The following CD2AP variants were observed in gnomAD, a reference collection of about 807,000 sequenced individuals.
CD2AP encodes CD2 associated protein.
CD2AP carries 46 observed loss-of-function variants against 85.1 expected under a neutral mutation model. The observed-to-expected ratio is 0.54, with a 90% CI of 0.43 to 0.69. The LOEUF (loss-of-function observed/expected upper bound fraction) is 0.69. Ranked by LOEUF, CD2AP falls within the 30% of genes least tolerant of loss-of-function variation. The pLI, the probability that CD2AP is intolerant of heterozygous loss-of-function variation, is 0.00. For missense variants in CD2AP, 769 were observed against 729.5 expected (o/e 1.05, Z -0.62); for synonymous variants, 255 against 252.9 (o/e 1.01, Z -0.08).
At chr6:47,542,388 G>A (rs1767238539) in intron 3 of CD2AP, among the ~76,000 whole-genome samples, 1 of 152,188 alleles carries the variant, frequency 6.6e-6, no homozygotes, top group Admixed American at 6.5e-5. Context: ...TCAAAAATAT[G>A]TAGCAGATAC....
intron 17 of CD2AP, among the ~76,000 whole-genome samples, chr6:47,615,727 TA>T (rs1769559943): frequency 6.6e-6 from 1 of 152,108 alleles, no homozygotes; most frequent in African/African-American, 2.4e-5. Context: ...ATGCAAATCG[TA>T]TCAATGATTA....
In CD2AP at chr6:47,566,620, T is replaced by G. The variant is rs149184452; in HGVS notation, c.542-7444T>G. Reference sequence around the variant, plus strand: ...TCCTCTCAATTCTCCCTTCCCCCGCTCCTCACCCCTCAACAGGTCCTGGTG... The same window carrying G: ...TCCTCTCAATTCTCCCTTCCCCCGCGCCTCACCCCTCAACAGGTCCTGGTG... On this transcript the variant is annotated intron_variant, in intron 5 of 17. Coordinates refer to ENST00000359314, the MANE Select transcript of CD2AP (RefSeq NM_012120.3). Among the ~76,000 whole-genome samples the G allele has an allele frequency of 1.9e-3, 292 of 152,114 alleles. 1 individual carries two copies. Among genetic ancestry groups the G allele is most frequent in the African/African-American group, 6.7e-3 (280 of 41,488 alleles).
chr6:47,566,323 T>TATATATACACAC, intron 5 of CD2AP, among the ~76,000 whole-genome samples: 19 of 108,414 alleles, frequency 1.8e-4, no homozygotes, highest in South Asian at 7.0e-4. Flanking sequence ...TATATATATA[T>TATATATACACAC]ACACATACAC....
chr6:47,512,683 T>C (rs1195447916), intron 2 of CD2AP, among the ~76,000 whole-genome samples: 2 of 152,242 alleles, frequency 1.3e-5, no homozygotes, highest in African/African-American at 2.4e-5. Context: ...CAGAATATTA[T>C]CATTTTGCCA....
chr6:47,499,822 G>A (rs1021854631), intron 1 of CD2AP, among the ~76,000 whole-genome samples: 2 of 152,046 alleles, frequency 1.3e-5, no homozygotes, highest in Admixed American at 6.5e-5. Context: ...TTCGCCTCCC[G>A]GGTTCAAGCC....
chr6:47,567,891 G>A (rs1562035825), intron 5 of CD2AP, among the ~76,000 whole-genome samples: 1 of 152,180 alleles, frequency 6.6e-6, no homozygotes, highest in Non-Finnish European at 1.5e-5. Flanking sequence ...ATAAATTGGT[G>A]GCAGTATGGA....
chr6:47,626,154 T>G lies in CD2AP; in HGVS notation c.*1927T>G, dbSNP rs886061543. 1 of 151,960 alleles carries G rather than the reference T, an allele frequency of 6.6e-6. No individual in the cohort carries two copies. Among genetic ancestry groups the G allele is most frequent in the Non-Finnish European group, 1.5e-5 (1 of 67,832 alleles). 9.4% of individuals were successfully genotyped at this position (151,960 alleles called of 1,614,324 possible). ...TTTCAGGCTGTTCTTAAAGTTTTTG[T>G]TGGTCATTTTCTCAATAGTACATGA... On this transcript the variant is annotated 3_prime_UTR_variant, in exon 18 of 18. Coordinates refer to ENST00000359314, the MANE Select transcript of CD2AP (RefSeq NM_012120.3).
Position 47,626,135 on chromosome 6 carries a change from G to T in CD2AP, c.*1908G>T, listed in dbSNP as rs905105823. On this transcript the variant is annotated 3_prime_UTR_variant, in exon 18 of 18. Transcript: ENST00000359314. ...GAGGGAAGTTTCCAGCAGATTTCAG[G>T]CTGTTCTTAAAGTTTTTGTTGGTCA... The T allele has an allele frequency of 1.3e-5, 2 of 151,826 alleles. No individual in the cohort carries two copies. Among genetic ancestry groups the T allele is most frequent in the Non-Finnish European group, 2.9e-5 (2 of 67,802 alleles). The allele number at this position is 151,826 out of a possible 1,614,324, so 9.4% of individuals were successfully genotyped here.
intron 2 of CD2AP, among the ~76,000 whole-genome samples, chr6:47,509,133 G>A (rs1582493754): frequency 1.3e-5 from 2 of 152,142 alleles, no homozygotes; most frequent in East Asian, 3.9e-4. Context: ...GTGTCTCAGG[G>A]AATAGGGAGC....
At chr6:47,576,161 G>C (rs9357545) in intron 6 of CD2AP, among the ~76,000 whole-genome samples, 48,274 of 152,006 alleles carry the variant, frequency 0.32, 8,714 homozygotes, top group Middle Eastern at 0.52. Flanking sequence ...TTATAACCTT[G>C]AACTCCTGGT....
intron 5 of CD2AP, 99 bp from the exon 6 acceptor site, chr6:47,573,965 T>C: frequency 1.9e-6 from 2 of 1,041,318 alleles, no homozygotes; most frequent in Non-Finnish European, 1.5e-6. Flanking sequence ...TTTTCTACTG[T>C]GTTTTATTAG....
intron 1 of CD2AP, among the ~76,000 whole-genome samples, chr6:47,487,705 A>T (rs927561211): frequency 6.6e-6 from 1 of 152,072 alleles, no homozygotes; most frequent in African/African-American, 2.4e-5. Context: ...AAACAAACAA[A>T]CAAACAAACA....
intron 1 of CD2AP, among the ~76,000 whole-genome samples, chr6:47,482,625 C>T (rs143392059): frequency 1.5e-3 from 224 of 152,154 alleles, no homozygotes; most frequent in Non-Finnish European, 2.4e-3. Flanking sequence ...TAATCTGCCC[C>T]CCTCAGCCTT....
At chr6:47,605,459 G>C (rs1769244723) in intron 13 of CD2AP, among the ~76,000 whole-genome samples, 1 of 151,820 alleles carries the variant, frequency 6.6e-6, no homozygotes. Flanking sequence ...GCCAGCCTTT[G>C]ATGATGAGGA....
At chr6:47,509,440 A>AAC in intron 2 of CD2AP, among the ~76,000 whole-genome samples, 1 of 151,662 alleles carries the variant, frequency 6.6e-6, no homozygotes, top group Non-Finnish European at 1.5e-5. Context: ...CAATTTGTAA[A>AAC]AAAAAAAAAA....
intron 5 of CD2AP, among the ~76,000 whole-genome samples, chr6:47,566,383 C>G (rs989274711): frequency 6.9e-6 from 1 of 145,770 alleles, no homozygotes; most frequent in African/African-American, 2.5e-5. Context: ...CTAGAATGGT[C>G]TCTGATATGT....
rs370143870 is a variant in CD2AP, at chr6:47,478,264, G to C, written c.4+16G>C. 1 of 1,568,456 alleles carries C rather than the reference G, an allele frequency of 6.4e-7. No individual in the cohort carries two copies. The highest frequency in any genetic ancestry group is 8.6e-7 in the Non-Finnish European group (1 of 1,157,276). On this transcript the variant is annotated intron_variant, in intron 1 of 17. Transcript: ENST00000359314. Reference sequence around the variant, plus strand: ...CCCAGCATGGGTAAGAGACTCGGGCGCTTCCCGCCGCCCGTCCGGACCTTC... The same window carrying C: ...CCCAGCATGGGTAAGAGACTCGGGCCCTTCCCGCCGCCCGTCCGGACCTTC...
intron 1 of CD2AP, among the ~76,000 whole-genome samples, chr6:47,485,295 A>G (rs374276963): frequency 1.1e-4 from 16 of 152,258 alleles, no homozygotes; most frequent in East Asian, 7.7e-4. Flanking sequence ...CACCAGTGGG[A>G]TGAAATATGG....
intron 1 of CD2AP, among the ~76,000 whole-genome samples, chr6:47,485,477 GTGT>G (rs1247724742): frequency 1.3e-5 from 2 of 152,090 alleles, no homozygotes; most frequent in African/African-American, 4.8e-5. Context: ...CAATGTGTTG[GTGT>G]TGTAAACTAA....
Sources: allele counts gnomAD v4.1 joint callset (sites outside exome capture counted in the v4.1 genomes callset), GRCh38; gene constraint gnomAD v4.1.1; transcripts MANE v1.5; gene names NCBI Gene and HGNC (gene_info 2026-07-23, HGNC 2026-07-21).